Variants in GALNT17 observed in about 807,000 individuals in gnomAD.
GALNT17 encodes UDP-GalNAc:polypeptide N-acetylgalactosaminyltransferase-like 3.
A neutral mutation model predicts 63.7 loss-of-function variants in GALNT17; 29 were observed. The observed-to-expected ratio is 0.46, with a 90% CI of 0.34 to 0.62. GALNT17 has a LOEUF of 0.62. GALNT17 is among the 20% of genes least tolerant of loss of function. The pLI is 0.01. For missense variants in GALNT17, 603 were observed against 799.6 expected, an observed-to-expected ratio of 0.75 and a Z score of 2.97; for synonymous variants, 305 against 318.3, an observed-to-expected ratio of 0.96 and a Z score of 0.45.
At chr7:71,158,345 C>T (rs977630123) in intron 1 of GALNT17, among the ~76,000 whole-genome samples, 6 of 151,386 alleles carry the variant, frequency 4.0e-5, no homozygotes, top group East Asian at 1.9e-4. Flanking sequence ...CTGGCTGTGC[C>T]GCCTGCCCCA....
In GALNT17 at chr7:71,710,403, G is replaced by A. The variant is rs555443072; in HGVS notation, c.1501-358G>A. 3.3e-5 allele frequency among the ~76,000 whole-genome samples: 5 copies of A among 152,306 alleles called. No individual in the cohort carries two copies. The South Asian group carries it at 1.0e-3, about 32-fold the overall frequency. ...CGCGCCTGTAATCCCACGTACTCAG[G>A]AGGCTGAGGCAAGAGAATTGCTTGA... On this transcript the variant is annotated intron_variant, in intron 9 of 10. Transcript: ENST00000333538.
chr7:71,604,017 T>G (rs1166789497), intron 6 of GALNT17, among the ~76,000 whole-genome samples: 1 of 151,752 alleles, frequency 6.6e-6, no homozygotes, highest in East Asian at 1.9e-4. Flanking sequence ...GATACTATGC[T>G]AAGTGCACAT....
chr7:71,468,424 T>A (rs1261264231), intron 5 of GALNT17, among the ~76,000 whole-genome samples: 2 of 150,034 alleles, frequency 1.3e-5, no homozygotes, highest in Non-Finnish European at 3.0e-5. Flanking sequence ...ATTTATTATT[T>A]TTTTTAATTG....
intron 1 of GALNT17, among the ~76,000 whole-genome samples, chr7:71,190,145 C>T (rs1262684154): frequency 6.6e-6 from 1 of 152,126 alleles, no homozygotes; most frequent in African/African-American, 2.4e-5. Context: ...TCCCTAGAGA[C>T]CCGGGGCTTG....
At chr7:71,598,534 T>C (rs1188227368) in intron 6 of GALNT17, among the ~76,000 whole-genome samples, 1 of 152,194 alleles carries the variant, frequency 6.6e-6, no homozygotes, top group East Asian at 1.9e-4. Flanking sequence ...TGGGGCTTTG[T>C]TTGGATGTCT....
intron 9 of GALNT17, among the ~76,000 whole-genome samples, chr7:71,703,373 G>A (rs1429330681): frequency 6.6e-6 from 1 of 152,196 alleles, no homozygotes; most frequent in South Asian, 2.1e-4. Context: ...ACATCAATGG[G>A]CAAGAGTGGG....
At chr7:71,351,270 G>A (rs982417088) in intron 2 of GALNT17, among the ~76,000 whole-genome samples, 5 of 152,114 alleles carry the variant, frequency 3.3e-5, no homozygotes, top group Non-Finnish European at 5.9e-5. Context: ...ACTGATAGCA[G>A]ATACTGGCCA....
chr7:71,177,280 C>T (rs1032702152), intron 1 of GALNT17, among the ~76,000 whole-genome samples: 4 of 152,122 alleles, frequency 2.6e-5, no homozygotes, highest in Non-Finnish European at 5.9e-5. Context: ...AGCCATATGT[C>T]CTTGATCAAT....
Position 71,495,510 on chromosome 7 carries a change from T to A in GALNT17, c.962+74405T>A, listed in dbSNP as rs545692792. ...TGGGGAGGCATTATTATTATCATTATTTTTATTTTACAAGTCAGGCAGAAA... is the reference window on the plus strand; with the variant it reads ...TGGGGAGGCATTATTATTATCATTAATTTTATTTTACAAGTCAGGCAGAAA... On this transcript the variant is annotated intron_variant, in intron 5 of 10. Coordinates refer to ENST00000333538, the MANE Select transcript of GALNT17 (RefSeq NM_022479.3). Among the ~76,000 whole-genome samples the A allele has an allele frequency of 3.9e-5, 6 of 152,174 alleles. No homozygotes were observed. In the East Asian group the frequency reaches 1.2e-3, roughly 29 times the overall value.
At chr7:71,696,723 G>A (rs1400970562) in intron 9 of GALNT17, among the ~76,000 whole-genome samples, 4 of 152,164 alleles carry the variant, frequency 2.6e-5, no homozygotes, top group Non-Finnish European at 4.4e-5. Context: ...TGAGCTCAGA[G>A]GGTTTTTTCC....
At chr7:71,405,053 C>T (rs747798434) in intron 3 of GALNT17, among the ~76,000 whole-genome samples, 24 of 152,216 alleles carry the variant, frequency 1.6e-4, no homozygotes, top group Non-Finnish European at 2.6e-4. Flanking sequence ...GGTCCTCATG[C>T]AACCCTGTGC....
chr7:71,440,218 T>G (rs76881805), intron 5 of GALNT17, among the ~76,000 whole-genome samples: 1,808 of 152,126 alleles, frequency 0.012, 34 homozygotes, highest in African/African-American at 0.041. Flanking sequence ...TGCCCTTTCT[T>G]TTTATTCCTT....
At chr7:71,613,356 A>G (rs1213098227) in intron 6 of GALNT17, among the ~76,000 whole-genome samples, 3 of 152,200 alleles carry the variant, frequency 2.0e-5, no homozygotes, top group Admixed American at 1.3e-4. Flanking sequence ...TAATCAGCCC[A>G]TTTATTAGAA....
intron 5 of GALNT17, among the ~76,000 whole-genome samples, chr7:71,462,612 T>C (rs1400975138): frequency 6.6e-6 from 1 of 152,160 alleles, no homozygotes; most frequent in Non-Finnish European, 1.5e-5. Flanking sequence ...AATCAATATA[T>C]GTTAAAAGTA....
intron 5 of GALNT17, among the ~76,000 whole-genome samples, chr7:71,476,604 G>A (rs1055646564): frequency 6.6e-5 from 10 of 152,106 alleles, no homozygotes; most frequent in African/African-American, 2.2e-4. Flanking sequence ...CTAGGCCAGT[G>A]GTTTTCAAGG....
At chr7:71,134,254 G>T (rs1787740997) in intron 1 of GALNT17, among the ~76,000 whole-genome samples, 1 of 152,210 alleles carries the variant, frequency 6.6e-6, no homozygotes, top group South Asian at 2.1e-4. Context: ...TGACCTCTTA[G>T]GCTCAAACTT....
chr7:71,253,153 C>T (rs7782710), intron 1 of GALNT17, among the ~76,000 whole-genome samples: 31,474 of 152,132 alleles, frequency 0.21, 3,553 homozygotes, highest in African/African-American at 0.29. Context: ...TTATCTACTT[C>T]ATTAGTTTGT....
chr7:71,389,679 C>T (rs1034106891), intron 3 of GALNT17, among the ~76,000 whole-genome samples: 4 of 152,126 alleles, frequency 2.6e-5, no homozygotes, highest in African/African-American at 9.7e-5. Flanking sequence ...AGCTGAATTC[C>T]TCCTCCACTC....
chr7:71,139,885 C>G (rs1258838698), intron 1 of GALNT17, among the ~76,000 whole-genome samples: 1 of 152,140 alleles, frequency 6.6e-6, no homozygotes, highest in Non-Finnish European at 1.5e-5. Context: ...CCCAGCTACT[C>G]AAGAGGTTGA....
Sources: allele counts gnomAD v4.1 joint callset (sites outside exome capture counted in the v4.1 genomes callset), GRCh38; gene constraint gnomAD v4.1.1; transcripts MANE v1.5; gene names NCBI Gene and HGNC (gene_info 2026-07-23, HGNC 2026-07-21).